The following COL4A3 variants were observed in gnomAD, a reference collection of about 807,000 sequenced individuals.
The protein encoded by COL4A3 is collagen type IV alpha 3 chain, also known as collagen alpha-3(IV) chain.
In COL4A3, 135 loss-of-function variants were observed where a neutral mutation model predicts 217.4. That is an observed-to-expected ratio of 0.62 (90% CI 0.54 to 0.72). The LOEUF is 0.72. Among genes scored for constraint, COL4A3 ranks in the 30% least tolerant of loss-of-function variants. COL4A3 has a pLI of 0.00. For synonymous variants in COL4A3, 690 were observed against 736.3 expected, an observed-to-expected ratio of 0.94 and a Z score of 1.02; for missense variants, 1,868 against 2,119.9, an observed-to-expected ratio of 0.88 and a Z score of 2.33.
At chr2:227,171,757 C>T (rs1205077306) in intron 1 of COL4A3, among the ~76,000 whole-genome samples, 1 of 152,036 alleles carries the variant, frequency 6.6e-6, no homozygotes, top group Non-Finnish European at 1.5e-5. Context: ...GAAGGAGAGA[C>T]CAAGGCAAGT....
At chr2:227,275,205 G>C (rs2071484933) in intron 26 of COL4A3, among the ~76,000 whole-genome samples, 2 of 151,858 alleles carry the variant, frequency 1.3e-5, no homozygotes, top group African/African-American at 4.9e-5. Flanking sequence ...GTTTGAGATG[G>C]AGTCTTGCTC....
In COL4A3 at chr2:227,219,456, T is replaced by G. The variant is rs188968945; in HGVS notation, c.88-18512T>G. ...TTTTGCAGAGCCAATCCCAAAGACTTTTGTTAATTCCCCCTTGGCTTTCTT... is the reference window on the plus strand; with the variant it reads ...TTTTGCAGAGCCAATCCCAAAGACTGTTGTTAATTCCCCCTTGGCTTTCTT... On this transcript the variant is annotated intron_variant, in intron 1 of 51. Coordinates refer to ENST00000396578, the MANE Select transcript of COL4A3 (RefSeq NM_000091.5). Among the ~76,000 whole-genome samples, 23 of 152,352 alleles carry G rather than the reference T, an allele frequency of 1.5e-4. No homozygotes were observed. In the East Asian group the frequency reaches 4.4e-3, roughly 29 times the overall value.
chr2:227,253,698 T>G lies in COL4A3; in HGVS notation c.765+60T>G. ...TCCCGTGTCTAGGATGAAGTCCTTG[T>G]GACCCTGCACCTCTTTTACAAGCTC... On this transcript the variant is annotated intron_variant, in intron 13 of 51. Coordinates refer to ENST00000396578, the MANE Select transcript of COL4A3 (RefSeq NM_000091.5). The surrounding 1 kb of genome is among the most constrained non-coding windows in gnomAD (Gnocchi z 4.4). 7.3e-7 allele frequency: 1 copy of G among 1,368,190 alleles called. No homozygotes were observed. Among genetic ancestry groups the G allele is most frequent in the South Asian group, 1.2e-5 (1 of 86,258 alleles). 84.8% of individuals were successfully genotyped at this position (1,368,190 alleles called of 1,614,324 possible).
chr2:227,298,577 G>T, intron 42 of COL4A3, 105 bp from the exon 43 acceptor site: 1 of 1,475,674 alleles, frequency 6.8e-7, no homozygotes, highest in Non-Finnish European at 9.4e-7. Flanking sequence ...AATGTTTGTG[G>T]CAATGCTAAG....
chr2:227,183,319 CTA>C (rs200890585), intron 1 of COL4A3, among the ~76,000 whole-genome samples: 3,632 of 152,114 alleles, frequency 0.024, 90 homozygotes, highest in Non-Finnish European at 0.034. Flanking sequence ...GAGGAACAAG[CTA>C]TGAGTTAGAA....
intron 1 of COL4A3, among the ~76,000 whole-genome samples, chr2:227,211,159 C>T (rs2067306549): frequency 6.6e-6 from 1 of 152,142 alleles, no homozygotes; most frequent in Admixed American, 6.5e-5. Context: ...TGCCACCACA[C>T]ACTTCTATTT....
chr2:227,230,323 C>T (rs1285417637), intron 1 of COL4A3, among the ~76,000 whole-genome samples: 1 of 152,040 alleles, frequency 6.6e-6, no homozygotes, highest in South Asian at 2.1e-4. Flanking sequence ...CATGTAATCT[C>T]GGGTCATTTC....
intron 44 of COL4A3, among the ~76,000 whole-genome samples, chr2:227,303,512 A>G (rs2073378727): frequency 6.6e-6 from 1 of 152,214 alleles, no homozygotes. Context: ...ACATGGTAGA[A>G]CAGGTTTTAA....
chr2:227,259,159 G>A (rs2070384304), intron 18 of COL4A3: 1 of 151,830 alleles, frequency 6.6e-6, no homozygotes. Context: ...ATATAATTCT[G>A]TTTGCAGCTT....
intron 1 of COL4A3, among the ~76,000 whole-genome samples, chr2:227,222,177 T>A (rs960907026): frequency 5.4e-4 from 71 of 130,828 alleles, no homozygotes; most frequent in South Asian, 1.5e-3. Flanking sequence ...ATAATGATAA[T>A]AAAAAGCTCC....
At position 227,226,428 on chromosome 2, in the gene COL4A3, A is replaced by C. The variant is rs1475408503; in HGVS notation, c.88-11540A>C. Reference sequence around the variant, plus strand: ...AGGTAGAAGACCATCTCTCACTGGAACTCACAGCTGATCTCTTCTTTAAGT... The same window carrying C: ...AGGTAGAAGACCATCTCTCACTGGACCTCACAGCTGATCTCTTCTTTAAGT... On this transcript the variant is annotated intron_variant, in intron 1 of 51. Coordinates refer to ENST00000396578, the MANE Select transcript of COL4A3 (RefSeq NM_000091.5). Among the ~76,000 whole-genome samples, 5 of 151,188 alleles carry C rather than the reference A, an allele frequency of 3.3e-5. No individual in the cohort carries two copies. In the East Asian group the frequency reaches 9.7e-4, roughly 29 times the overall value.
chr2:227,196,179 A>G (rs2066469055), intron 1 of COL4A3, among the ~76,000 whole-genome samples: 1 of 152,160 alleles, frequency 6.6e-6, no homozygotes, highest in African/African-American at 2.4e-5. Flanking sequence ...TGTACAGTGT[A>G]TATAAAGTCT....
intron 34 of COL4A3, 105 bp downstream of exon 34, chr2:227,284,450 G>C: frequency 7.6e-7 from 1 of 1,319,450 alleles, no homozygotes. Flanking sequence ...GTGAGGGCCA[G>C]TGTTTAGTTA....
chr2:227,310,333 A>C (rs1405769086), intron 50 of COL4A3, among the ~76,000 whole-genome samples: 1 of 152,084 alleles, frequency 6.6e-6, no homozygotes, highest in Non-Finnish European at 1.5e-5. Context: ...CAGTGGTGCA[A>C]TCTTGGCTCA....
At chr2:227,202,741 AAAAAAATATAT>A (rs1185748748) in intron 1 of COL4A3, among the ~76,000 whole-genome samples, 24 of 46,568 alleles carry the variant, frequency 5.2e-4, no homozygotes, top group African/African-American at 1.7e-3. Flanking sequence ...TCTCTAAAAA[AAAAAAATATAT>A]ATATATATAT....
In COL4A3 at chr2:227,295,287, C is replaced by G; in HGVS notation, c.3536C>G (p.Pro1179Arg). The change falls in exon 41 of 52, where the codon CCA becomes CGA. Residue 1179 changes from proline (P) to arginine (R), a missense_variant. Pro to Arg is a moderately radical substitution (Grantham distance 103, BLOSUM62 -2). Coordinates refer to ENST00000396578, the MANE Select transcript of COL4A3 (RefSeq NM_000091.5). The stretch of plus-strand genomic sequence containing the variant: ...CTTTCAGGTTTATTGAGGGCCCCTC[C>G]AGGCCCAAGAGGGAACCCTGGTGCT... ...KGETGLLRAP[P>R]GPRGNPGAQG... 6.2e-7 allele frequency: 1 copy of G among 1,614,120 alleles called. No homozygotes were observed. Among genetic ancestry groups the G allele is most frequent in the Non-Finnish European group, 8.5e-7 (1 of 1,179,952 alleles).
intron 1 of COL4A3, among the ~76,000 whole-genome samples, chr2:227,214,558 AG>A (rs1231980808): frequency 6.6e-6 from 1 of 152,214 alleles, no homozygotes; most frequent in Non-Finnish European, 1.5e-5. Context: ...GTGTGCCCAC[AG>A]TTGTATCTTT....
rs773321281 is a variant in COL4A3 at position 227,290,058 on chromosome 2, C to T, written c.3040C>T (p.Pro1014Ser). Residue 1014 changes from proline (P) to serine (S), a missense_variant, in exon 36 of 52, where the codon CCA (proline) becomes TCA (serine). Pro to Ser is a moderately conservative substitution (Grantham distance 74, BLOSUM62 -1). Coordinates refer to ENST00000396578, the MANE Select transcript of COL4A3 (RefSeq NM_000091.5). ...TGGAGAACCAGGACTGCGTGGTATA[C>T]CAGGAAGCATGGGGAACATGGGCAT... Reference protein sequence around the residue: ...NPGEPGLRGIPGSMGNMGMPG... With the variant: ...NPGEPGLRGISGSMGNMGMPG... The T allele has an allele frequency of 6.2e-7, 1 of 1,614,138 alleles. No individual in the cohort carries two copies. The highest frequency in any genetic ancestry group is 1.7e-5 in the Admixed American group (1 of 60,024).
intron 11 of COL4A3, 81 bp downstream of exon 11, chr2:227,251,452 G>C: frequency 7.3e-7 from 1 of 1,367,764 alleles, no homozygotes; most frequent in East Asian, 2.3e-5. Context: ...TCTTCATGTG[G>C]GTCACTGTTA....
Sources: gnomAD v4.1 joint callset for allele counts (sites outside exome capture counted in the v4.1 genomes callset) on GRCh38, gnomAD v4.1.1 for gene constraint, Gnocchi (gnomAD v3.1) non-coding constraint, MANE v1.5 for transcripts, NCBI Gene and HGNC (gene_info 2026-07-23, HGNC 2026-07-21) for gene names.